The following KCNIP4 variants were observed in gnomAD, a reference collection of about 807,000 sequenced individuals.
KCNIP4 encodes the protein Kv channel-interacting protein 4.
A neutral mutation model predicts 34.0 loss-of-function variants in KCNIP4; 12 were observed. The observed-to-expected ratio is 0.35, with a 90% CI of 0.23 to 0.57. The LOEUF is 0.57. Ranked by LOEUF, KCNIP4 falls within the 20% of genes least tolerant of loss-of-function variation. The pLI is 0.83. For missense variants in KCNIP4, 238 were observed against 311.7 expected (o/e 0.76, Z 1.78); for synonymous variants, 124 against 102.2 (o/e 1.21, Z -1.29).
intron 1 of KCNIP4, among the ~76,000 whole-genome samples, chr4:21,805,143 T>C (rs1380861855): frequency 3.3e-5 from 5 of 152,312 alleles, no homozygotes; most frequent in African/African-American, 9.6e-5. Context: ...TAGAAATCTA[T>C]ACAGAATCAC....
intron 1 of KCNIP4, among the ~76,000 whole-genome samples, chr4:21,652,110 T>G (rs1439696890): frequency 5.3e-5 from 8 of 152,188 alleles, no homozygotes; most frequent in African/African-American, 1.7e-4. Flanking sequence ...CCATCTAATC[T>G]TCTGGATGGT....
intron 1 of KCNIP4, among the ~76,000 whole-genome samples, chr4:21,890,212 G>A (rs1435215725): frequency 6.6e-6 from 1 of 152,108 alleles, no homozygotes. Context: ...AAGGTGAAAA[G>A]CAATTAAAAT....
At chr4:21,310,965 G>A (rs1713093310) in intron 1 of KCNIP4, among the ~76,000 whole-genome samples, 1 of 152,112 alleles carries the variant, frequency 6.6e-6, no homozygotes. Flanking sequence ...AAAAGACAAT[G>A]AGCCGCATTT....
chr4:21,609,976 G>T (rs1170136704), intron 1 of KCNIP4, among the ~76,000 whole-genome samples: 4 of 152,138 alleles, frequency 2.6e-5, no homozygotes, highest in African/African-American at 9.7e-5. Flanking sequence ...GAATATTCTT[G>T]TCATACCTAC....
At chr4:20,838,498 TC>T (rs1269397641) in intron 3 of KCNIP4, among the ~76,000 whole-genome samples, 3 of 152,272 alleles carry the variant, frequency 2.0e-5, no homozygotes, top group Non-Finnish European at 4.4e-5. Flanking sequence ...AAACTACATT[TC>T]CCATCTTCCC....
chr4:21,080,339 T>C (rs569693075), intron 1 of KCNIP4, among the ~76,000 whole-genome samples: 2 of 152,046 alleles, frequency 1.3e-5, no homozygotes, highest in East Asian at 1.9e-4. Context: ...ACAAACACTA[T>C]AGAAGTGTAC....
chr4:21,499,694 T>C (rs1733148734), intron 1 of KCNIP4, among the ~76,000 whole-genome samples: 1 of 152,150 alleles, frequency 6.6e-6, no homozygotes, highest in South Asian at 2.1e-4. Flanking sequence ...AAGGATTCTA[T>C]AAGCATATGA....
At chr4:21,104,184 G>T (rs556449604) in intron 1 of KCNIP4, among the ~76,000 whole-genome samples, 1 of 128,408 alleles carries the variant, frequency 7.8e-6, no homozygotes, top group East Asian at 2.1e-4. Flanking sequence ...TGGTTGAAAT[G>T]GTTGAACTAG....
chr4:21,436,955 T>C (rs751136802), intron 1 of KCNIP4, among the ~76,000 whole-genome samples: 39 of 152,176 alleles, frequency 2.6e-4, no homozygotes, highest in African/African-American at 8.4e-4. Flanking sequence ...AACAAGTCCA[T>C]ATTCTAACAC....
At chr4:21,610,668 A>G (rs866858298) in intron 1 of KCNIP4, among the ~76,000 whole-genome samples, 4 of 152,182 alleles carry the variant, frequency 2.6e-5, no homozygotes, top group Admixed American at 2.0e-4. Context: ...ATTTGTGTAA[A>G]TGAGTTTATT....
At chr4:21,602,571 C>T (rs10938850) in intron 1 of KCNIP4, among the ~76,000 whole-genome samples, 6,027 of 152,186 alleles carry the variant, frequency 0.04, 403 homozygotes, top group African/African-American at 0.14. Flanking sequence ...GATACACACA[C>T]ATAAGGTATG....
At chr4:20,799,253 A>T (rs150537332) in intron 3 of KCNIP4, among the ~76,000 whole-genome samples, 3 of 152,210 alleles carry the variant, frequency 2.0e-5, no homozygotes, top group African/African-American at 7.2e-5. Context: ...TGCACACCAG[A>T]GCTATCAACT....
intron 1 of KCNIP4, among the ~76,000 whole-genome samples, chr4:21,123,494 AAG>A (rs1193404045): frequency 1.3e-5 from 2 of 152,234 alleles, no homozygotes; most frequent in African/African-American, 4.8e-5. Context: ...AAAACTGTTA[AAG>A]ACTGTAAAGA....
chr4:21,556,930 A>ACAAAAAAAAAAAAAAAAAAC (rs1739092858), intron 1 of KCNIP4, among the ~76,000 whole-genome samples: 2 of 108,194 alleles, frequency 1.8e-5, no homozygotes, highest in Non-Finnish European at 4.0e-5. Flanking sequence ...CAGAAAAAAA[A>ACAAAAAAAAAAAAAAAAAAC]AAAAAAAAAA....
At chr4:21,547,128 G>C (rs1244292996) in intron 1 of KCNIP4, among the ~76,000 whole-genome samples, 1 of 152,054 alleles carries the variant, frequency 6.6e-6, no homozygotes, top group East Asian at 1.9e-4. Flanking sequence ...ATGTGGAGTA[G>C]AAATGCCAAA....
intron 1 of KCNIP4, among the ~76,000 whole-genome samples, chr4:21,700,283 C>T (rs1026206729): frequency 1.3e-5 from 2 of 152,188 alleles, no homozygotes; most frequent in African/African-American, 4.8e-5. Context: ...GCCATTCTAA[C>T]AGATATGCAG....
intron 3 of KCNIP4, 42 bp downstream of exon 3, chr4:20,850,501 C>G: frequency 6.2e-7 from 1 of 1,600,950 alleles, no homozygotes; most frequent in Non-Finnish European, 8.5e-7. Flanking sequence ...CAATGCTCCT[C>G]TGGGAATTGT....
chr4:20,925,682 C>A (rs980195845), intron 1 of KCNIP4, among the ~76,000 whole-genome samples: 1 of 152,120 alleles, frequency 6.6e-6, no homozygotes, highest in South Asian at 2.1e-4. Context: ...CATCCAAGAA[C>A]CCTCTCTTGG....
chr4:21,015,951 AAGAG>A (rs373451734), intron 1 of KCNIP4, among the ~76,000 whole-genome samples: 3 of 145,190 alleles, frequency 2.1e-5, no homozygotes, highest in African/African-American at 5.0e-5. Context: ...TATATTAAAA[AAGAG>A]AGAAAGCTTA....
Sources: gnomAD v4.1 joint callset for allele counts (sites outside exome capture counted in the v4.1 genomes callset) on GRCh38, gnomAD v4.1.1 for gene constraint, MANE v1.5 for transcripts, NCBI Gene and HGNC (gene_info 2026-07-23, HGNC 2026-07-21) for gene names.